Variants in CARMIL1 observed in about 807,000 individuals in gnomAD.
CARMIL1 encodes capping protein regulator and myosin 1 linker 1.
CARMIL1 carries 90 observed loss-of-function variants against 177.1 expected under a neutral mutation model. The observed-to-expected ratio is 0.51, with a 90% CI of 0.43 to 0.61. CARMIL1 has a LOEUF of 0.61. Among genes scored for constraint, CARMIL1 ranks in the 20% least tolerant of loss-of-function variants. The pLI is 0.00. For synonymous variants in CARMIL1, 577 were observed against 606.2 expected, an observed-to-expected ratio of 0.95 and a Z score of 0.71; for missense variants, 1,380 against 1,667.0, an observed-to-expected ratio of 0.83 and a Z score of 3.00.
chr6:25,494,664 G>C lies in CARMIL1; in HGVS notation c.1221-447G>C, dbSNP rs185911829. 7.4e-3 allele frequency among the ~76,000 whole-genome samples: 1,121 copies of C among 152,280 alleles called. 8 individuals are homozygous for C. The highest frequency in any genetic ancestry group is 0.022 in the African/African-American group (912 of 41,562). On this transcript the variant is annotated intron_variant, in intron 15 of 36. Coordinates refer to ENST00000329474, the MANE Select transcript of CARMIL1 (RefSeq NM_017640.6). The stretch of plus-strand genomic sequence containing the variant: ...CATTTGGACTTTCTGTGCTGTTTTA[G>C]CTCAACATCAGATCACAGTCTTGTT...
chr6:25,428,375 G>A (rs1226148453), intron 4 of CARMIL1, among the ~76,000 whole-genome samples: 1 of 152,002 alleles, frequency 6.6e-6, no homozygotes, highest in African/African-American at 2.4e-5. Context: ...TCTGAATCCC[G>A]TCTCCTTGCT....
chr6:25,341,018 A>G (rs967470654), intron 2 of CARMIL1, among the ~76,000 whole-genome samples: 2 of 152,132 alleles, frequency 1.3e-5, no homozygotes, highest in African/African-American at 4.8e-5. Context: ...AAGGCTCACA[A>G]TCAGGAGGGA....
At chr6:25,548,885 G>A (rs1809784780) in intron 26 of CARMIL1, among the ~76,000 whole-genome samples, 1 of 152,134 alleles carries the variant, frequency 6.6e-6, no homozygotes, top group African/African-American at 2.4e-5. Flanking sequence ...TGTCCTGTGA[G>A]CCCCAGTTCC....
At chr6:25,459,216 T>TTCTC (rs1252757648) in intron 8 of CARMIL1, among the ~76,000 whole-genome samples, 4 of 60,198 alleles carry the variant, frequency 6.6e-5, no homozygotes, top group African/African-American at 2.2e-4. Flanking sequence ...AACTTTTTCT[T>TTCTC]TCTTTCTTTC....
intron 2 of CARMIL1, among the ~76,000 whole-genome samples, chr6:25,335,346 T>C (rs1452900664): frequency 6.6e-6 from 1 of 152,244 alleles, no homozygotes. Context: ...TCACTCTGGG[T>C]TCCTGGCTTT....
At chr6:25,300,538 A>G (rs978949112) in intron 2 of CARMIL1, among the ~76,000 whole-genome samples, 7 of 150,908 alleles carry the variant, frequency 4.6e-5, no homozygotes, top group South Asian at 2.1e-4. Flanking sequence ...AATCCCAGCT[A>G]TTTGGGAGGC....
At chr6:25,495,965 A>G (rs1803664327) in intron 16 of CARMIL1, among the ~76,000 whole-genome samples, 1 of 152,212 alleles carries the variant, frequency 6.6e-6, no homozygotes, top group African/African-American at 2.4e-5. Flanking sequence ...AAATGTATGC[A>G]TGGATTTCTC....
intron 2 of CARMIL1, among the ~76,000 whole-genome samples, chr6:25,364,114 A>G (rs1202977748): frequency 2.0e-5 from 3 of 151,846 alleles, no homozygotes; most frequent in African/African-American, 7.2e-5. Flanking sequence ...CCCATAATTT[A>G]AAAAAAAATG....
chr6:25,315,653 T>C (rs1303510882), intron 2 of CARMIL1, among the ~76,000 whole-genome samples: 2 of 152,256 alleles, frequency 1.3e-5, no homozygotes, highest in East Asian at 1.9e-4. Context: ...TATGACAAAA[T>C]GCATTCTTAG....
chr6:25,366,405 C>CT (rs1312722173), intron 2 of CARMIL1, among the ~76,000 whole-genome samples: 1 of 151,936 alleles, frequency 6.6e-6, no homozygotes, highest in East Asian at 1.9e-4. Flanking sequence ...ACAATGTTAC[C>CT]TTTTTTCTGT....
intron 2 of CARMIL1, among the ~76,000 whole-genome samples, chr6:25,344,103 C>G (rs191639657): frequency 6.6e-6 from 1 of 152,264 alleles, no homozygotes; most frequent in African/African-American, 2.4e-5. Flanking sequence ...TCCCCATGTT[C>G]ACTCCATCCC....
At chr6:25,337,519 A>C (rs1316197145) in intron 2 of CARMIL1, among the ~76,000 whole-genome samples, 1 of 152,250 alleles carries the variant, frequency 6.6e-6, no homozygotes, top group Non-Finnish European at 1.5e-5. Context: ...GTCTTGTCAC[A>C]CAATGGTGTA....
Position 25,579,992 on chromosome 6 carries a change from C to T in CARMIL1, c.2743-932C>T, listed in dbSNP as rs142551717. ...GTTATGTTACCTCTTAGTTTATACA[C>T]GTACCAGTTTCCTGATATCAAACCA... On this transcript the variant is annotated intron_variant, in intron 29 of 36. Transcript: ENST00000329474. Among the ~76,000 whole-genome samples, 6 of 152,260 alleles carry T rather than the reference C, an allele frequency of 3.9e-5. No homozygotes were observed. The East Asian group carries it at 1.2e-3, about 29-fold the overall frequency.
chr6:25,298,523 G>A (rs1020393302), intron 2 of CARMIL1, among the ~76,000 whole-genome samples: 1 of 152,166 alleles, frequency 6.6e-6, no homozygotes, highest in Non-Finnish European at 1.5e-5. Flanking sequence ...ACAACGCTGT[G>A]CATTTCCAAT....
At chr6:25,541,633 G>A (rs1808908911) in intron 26 of CARMIL1, among the ~76,000 whole-genome samples, 1 of 151,918 alleles carries the variant, frequency 6.6e-6, no homozygotes, top group Non-Finnish European at 1.5e-5. Flanking sequence ...TCAATGTAAT[G>A]GGAAAAAAAT....
At chr6:25,450,998 T>C (rs1407379577) in intron 8 of CARMIL1, among the ~76,000 whole-genome samples, 2 of 45,322 alleles carry the variant, frequency 4.4e-5, no homozygotes, top group African/African-American at 8.5e-5. Flanking sequence ...CCCTCTCCCC[T>C]CTCCCCTCTC....
intron 2 of CARMIL1, chr6:25,393,443 C>G (rs543045563): frequency 1.3e-5 from 2 of 151,960 alleles, no homozygotes; most frequent in South Asian, 2.1e-4. Context: ...GTAATCCCAG[C>G]TACTTGGGAG....
Position 25,580,971 on chromosome 6 carries a change from G to C in CARMIL1, c.2790G>C (p.Arg930=), listed in dbSNP as rs1469486995. Residue 930 remains arginine, a synonymous_variant, in exon 30 of 37, where the codon CGG becomes CGC. Coordinates refer to ENST00000329474, the MANE Select transcript of CARMIL1 (RefSeq NM_017640.6). ...KRKSIHSRML[R]PVSRAFEMEF... is the part of the protein sequence containing the mutation. Reference sequence around the variant, plus strand: ...AGAGTATCCATAGCCGAATGCTGCGGCCTGTTTCTAGGGCTTTTGGTAAGT... The same window carrying C: ...AGAGTATCCATAGCCGAATGCTGCGCCCTGTTTCTAGGGCTTTTGGTAAGT... The C allele has an allele frequency of 1.2e-6, 2 of 1,601,300 alleles. No individual in the cohort carries two copies. The highest frequency in any genetic ancestry group is 2.7e-5 in the African/African-American group (2 of 74,746).
At chr6:25,618,341 T>C (rs530542971) in intron 36 of CARMIL1, among the ~76,000 whole-genome samples, 1 of 152,240 alleles carries the variant, frequency 6.6e-6, no homozygotes, top group South Asian at 2.1e-4. Context: ...AGGATTGATG[T>C]AGTGTGTTCC....
Sources: gnomAD v4.1 joint callset for allele counts (sites outside exome capture counted in the v4.1 genomes callset) on GRCh38, gnomAD v4.1.1 for gene constraint, MANE v1.5 for transcripts, NCBI Gene and HGNC (gene_info 2026-07-23, HGNC 2026-07-21) for gene names.